Variants in TNRC6C observed in about 807,000 individuals in gnomAD.
TNRC6C encodes trinucleotide repeat containing adaptor 6C, also known as trinucleotide repeat-containing gene 6C protein.
TNRC6C carries 20 observed loss-of-function variants against 153.7 expected under a neutral mutation model. That is an observed-to-expected ratio of 0.13 (90% CI 0.09 to 0.19). The LOEUF (loss-of-function observed/expected upper bound fraction) is 0.19, where lower values mean the gene tolerates loss of function less well. TNRC6C is among the 10% of genes least tolerant of loss of function. The probability of loss-of-function intolerance (pLI) is 1.00; values close to 1 mark genes in which losing one functional copy is unlikely to be tolerated. For missense variants in TNRC6C, 1,987 were observed against 2,172.0 expected (o/e 0.91, Z 1.69); for synonymous variants, 811 against 841.4 (o/e 0.96, Z 0.63).
intron 1 of TNRC6C, among the ~76,000 whole-genome samples, chr17:78,018,466 G>T (rs1015854059): frequency 1.1e-4 from 17 of 152,084 alleles, no homozygotes; most frequent in African/African-American, 4.1e-4. Context: ...AGTATTCACA[G>T]TGCCTGGCAC....
chr17:78,071,011 C>T (rs1303841396), intron 5 of TNRC6C, 74 bp from the exon 8 acceptor site: 6 of 1,388,898 alleles, frequency 4.3e-6, no homozygotes, highest in Non-Finnish European at 2.0e-6. Context: ...TGAATTTAGG[C>T]TGTCTCCCAT....
intron 1 of TNRC6C, among the ~76,000 whole-genome samples, chr17:77,970,630 A>T (rs775146624): frequency 1.3e-5 from 2 of 152,184 alleles, no homozygotes; most frequent in African/African-American, 4.8e-5. Context: ...ACAAATTAAT[A>T]AACTTTCTTA....
At chr17:78,037,544 T>C (rs969917778) in intron 2 of TNRC6C, among the ~76,000 whole-genome samples, 3 of 152,170 alleles carry the variant, frequency 2.0e-5, no homozygotes, top group African/African-American at 7.2e-5. Flanking sequence ...TCAAGTTAGC[T>C]GTGCTGGGCA....
At chr17:78,026,100 T>C (rs1049833382) in intron 1 of TNRC6C, among the ~76,000 whole-genome samples, 4 of 152,216 alleles carry the variant, frequency 2.6e-5, no homozygotes, top group Non-Finnish European at 5.9e-5. Flanking sequence ...ATTTTTTTAT[T>C]TCATCAACTA....
At chr17:78,091,573 C>T (rs780733669) in exon 14 of TNRC6C, 37 of 1,583,738 alleles carry the variant, frequency 2.3e-5, no homozygotes, top group Middle Eastern at 1.7e-4. Context: ...TGCCCAGTGC[C>T]GCTTCCCCCC....
intron 1 of TNRC6C, among the ~76,000 whole-genome samples, chr17:77,980,704 C>T (rs1274235852): frequency 6.6e-6 from 1 of 152,186 alleles, no homozygotes; most frequent in Admixed American, 6.5e-5. Flanking sequence ...ACTTCTGACC[C>T]ACTAGCTTCA....
chr17:77,985,519 A>G (rs2071150930), intron 1 of TNRC6C, among the ~76,000 whole-genome samples: 2 of 150,884 alleles, frequency 1.3e-5, no homozygotes, highest in South Asian at 2.1e-4. Context: ...GGAGAATGGC[A>G]TGAACCCTGG....
chr17:78,091,664 T>G, intron 14 of TNRC6C, 57 bp downstream of exon 16: 10 of 1,358,200 alleles, frequency 7.4e-6, no homozygotes, highest in Non-Finnish European at 9.5e-6. Flanking sequence ...TAATCGATCG[T>G]CCTGTTGTAT....
chr17:78,051,069 C>G lies in TNRC6C; in HGVS notation c.2007C>G (p.Ser669Arg), dbSNP rs747233195. The G allele has an allele frequency of 4.1e-5, 66 of 1,607,018 alleles. No homozygotes were observed. The highest frequency in any genetic ancestry group is 5.4e-5 in the Non-Finnish European group (64 of 1,176,328). Residue 669 changes from serine (S) to arginine (R), a missense_variant, in exon 3 of 20, where the codon AGC becomes AGG. This residue lies in a region of TNRC6C where 1,052 missense variants were observed against 1,017.0 expected (regional missense o/e 1.03). Transcript: ENST00000301624. ...CTGGCCCCCAACAGAACTGGGCTAG[C>G]AAACCCCAAGACAACAATGTGAGTA...
chr17:78,060,508 T>G (rs2144140546), intron 3 of TNRC6C, among the ~76,000 whole-genome samples: 1 of 148,664 alleles, frequency 6.7e-6, no homozygotes, highest in African/African-American at 2.5e-5. Flanking sequence ...GTCTTAACTC[T>G]GTCGCCCAGG....
rs563525059 is a variant in TNRC6C at position 77,990,859 on chromosome 17, A to G, written c.-37-13311A>G. ...TAATTTCATAGGGTCAATCAGTTTG[A>G]TTTGTTACTTCAGGGGCACGCTGTA... is the stretch of plus-strand genomic sequence containing the variant. On this transcript the variant is annotated intron_variant, in intron 1 of 22. Coordinates refer to the TNRC6C transcript ENST00000636222. 3.9e-5 allele frequency among the ~76,000 whole-genome samples: 6 copies of G among 152,202 alleles called. 1 individual carries two copies. The South Asian group carries it at 6.2e-4, about 16-fold the overall frequency.
chr17:78,104,279 T>C lies in TNRC6C; in HGVS notation c.4713-206T>C, dbSNP rs141255887. Reference sequence around the variant, plus strand: ...AATGATCTGTTCACGCACTTGAAGATGTACTCTGTGTACCAGTACGATGTT... The same window carrying C: ...AATGATCTGTTCACGCACTTGAAGACGTACTCTGTGTACCAGTACGATGTT... On this transcript the variant is annotated intron_variant, in intron 19 of 19. Coordinates refer to ENST00000301624, the Ensembl canonical transcript of TNRC6C. This position sits in a 1 kb window ranked among gnomAD's most constrained non-coding sequence, Gnocchi z 6.2. Among the ~76,000 whole-genome samples the C allele has an allele frequency of 2.0e-5, 3 of 152,236 alleles. No individual in the cohort carries two copies. The highest frequency in any genetic ancestry group is 4.4e-5 in the Non-Finnish European group (3 of 68,042).
chr17:77,991,435 T>G (rs2071248237), intron 1 of TNRC6C, among the ~76,000 whole-genome samples: 2 of 152,238 alleles, frequency 1.3e-5, no homozygotes, highest in Admixed American at 6.5e-5. Flanking sequence ...ATGGGCACGT[T>G]TAGAGACATT....
chr17:78,043,070 C>G (rs2072332421), intron 2 of TNRC6C, among the ~76,000 whole-genome samples: 1 of 151,962 alleles, frequency 6.6e-6, no homozygotes, highest in Admixed American at 6.6e-5. Flanking sequence ...TTGTGAAGAG[C>G]CAGATCATTT....
At chr17:78,086,158 C>T (rs1025255782) in intron 11 of TNRC6C, among the ~76,000 whole-genome samples, 7 of 151,470 alleles carry the variant, frequency 4.6e-5, no homozygotes, top group African/African-American at 7.3e-5. Flanking sequence ...AATGAAACCC[C>T]GTCTCTACTA....
upstream of TNRC6C, among the ~76,000 whole-genome samples, chr17:78,000,630 C>CCCCACACA (rs1555628277): frequency 1.6e-5 from 1 of 62,310 alleles, no homozygotes; most frequent in South Asian, 7.6e-4. Context: ...CCCCCCCCCC[C>CCCCACACA]CACACACACA....
chr17:78,076,201 G>T (rs1313012977), intron 8 of TNRC6C, among the ~76,000 whole-genome samples: 2 of 150,138 alleles, frequency 1.3e-5, no homozygotes, highest in African/African-American at 4.9e-5. Context: ...GGACGAGAGA[G>T]CGATACTCTG....
intron 16 of TNRC6C, among the ~76,000 whole-genome samples, chr17:78,094,903 G>T (rs1232077531): frequency 3.3e-5 from 5 of 152,232 alleles, no homozygotes; most frequent in African/African-American, 1.2e-4. Context: ...GATGTTACGG[G>T]TGTCCCTGCT....
Position 77,982,658 on chromosome 17 carries a change from C to A in TNRC6C, c.-37-21512C>A, listed in dbSNP as rs368024343. Among the ~76,000 whole-genome samples the A allele has an allele frequency of 1.1e-3, 170 of 152,126 alleles. 1 individual carries two copies. Among genetic ancestry groups the A allele is most frequent in the African/African-American group, 3.9e-3 (161 of 41,496 alleles). Reference sequence around the variant, plus strand: ...ACCAGCCTGGCCAACATGGTGAAACCCCATCTCTACTAAAAATAAAAAATC... The same window carrying A: ...ACCAGCCTGGCCAACATGGTGAAACACCATCTCTACTAAAAATAAAAAATC... On this transcript the variant is annotated intron_variant, in intron 1 of 22. Coordinates refer to the TNRC6C transcript ENST00000636222.
Sources: gnomAD v4.1 joint callset for allele counts (sites outside exome capture counted in the v4.1 genomes callset) on GRCh38, gnomAD v4.1.1 for gene constraint, gnomAD v4.1.1 regional missense constraint, Gnocchi (gnomAD v3.1) non-coding constraint, MANE v1.5 for transcripts, NCBI Gene and HGNC (gene_info 2026-07-23, HGNC 2026-07-21) for gene names.